Variants in ZNF778 observed in about 807,000 individuals in gnomAD.
ZNF778 encodes the protein zinc finger protein 778.
Under a neutral mutation model 23.9 loss-of-function variants are expected in ZNF778, and 37 were observed. That is an observed-to-expected ratio of 1.54 (90% CI 1.19 to 2.03). The LOEUF (loss-of-function observed/expected upper bound fraction) is 2.03, where lower values mean the gene tolerates loss of function less well. ZNF778 is among the 30% of genes most tolerant of loss of function. The pLI is 0.00. For synonymous variants in ZNF778, 483 were observed against 343.9 expected (o/e 1.40, Z -4.48); for missense variants, 1,297 against 934.4 (o/e 1.39, Z -5.06).
intron 1 of ZNF778, among the ~76,000 whole-genome samples, chr16:89,220,522 G>C (rs956645880): frequency 6.6e-6 from 1 of 152,180 alleles, no homozygotes; most frequent in Non-Finnish European, 1.5e-5. Flanking sequence ...GCTGGGTGTG[G>C]TGGCACTCGC....
In ZNF778 at chr16:89,226,835, T is replaced by C. The variant is rs1228817947; in HGVS notation, c.547T>C (p.Phe183Leu). ...GTCTAATCATTATGAAAGGGACTTTTTTATTCCATGCCAGAAAACCTTGTT... is the reference window on the plus strand; with the variant it reads ...GTCTAATCATTATGAAAGGGACTTTCTTATTCCATGCCAGAAAACCTTGTT... The part of the protein sequence containing the change: ...CVSNHYERDF[F>L]IPCQKTLFKI... The change falls in exon 7 of 7, where the codon TTT becomes CTT. Residue 183 changes from phenylalanine (F) to leucine (L), a missense_variant. Transcript: ENST00000433976. 2 of 1,613,916 alleles carry C rather than the reference T, an allele frequency of 1.2e-6. No homozygotes were observed. The highest frequency in any genetic ancestry group is 1.1e-5 in the South Asian group (1 of 91,090).
rs752327551 is a variant in ZNF778 at position 89,227,788 on chromosome 16, C to G, written c.1500C>G (p.Thr500=). Residue 500 remains threonine, a synonymous_variant, in exon 7 of 7, where the codon ACC becomes ACG. Transcript: ENST00000433976. ...SSLTEHARIH[T]GEKPYECKQC... ...TGACTGAGCACGCGAGAATCCATAC[C>G]GGAGAGAAACCCTACGAATGTAAGC... The G allele has an allele frequency of 6.2e-7, 1 of 1,612,976 alleles. No individual in the cohort carries two copies. The highest frequency in any genetic ancestry group is 8.5e-7 in the Non-Finnish European group (1 of 1,179,206).
In ZNF778 at chr16:89,230,122, A is replaced by C. The variant is rs2151638697; in HGVS notation, c.*1560A>C. The C allele has an allele frequency of 1.3e-6, 1 of 746,052 alleles. No individual in the cohort carries two copies. The highest frequency in any genetic ancestry group is 6.2e-5 in the Admixed American group (1 of 16,002). 46.2% of individuals were successfully genotyped at this position (746,052 alleles called of 1,614,324 possible). A position where few individuals can be genotyped will look rare whatever the true frequency, so the allele number is the denominator to read the frequency against. ...CACCTGTAGGGTCCCACACTGGCCAATGTTGGGGCATAACACAGCTCTACA... is the reference window on the plus strand; with the variant it reads ...CACCTGTAGGGTCCCACACTGGCCACTGTTGGGGCATAACACAGCTCTACA... On this transcript the variant is annotated 3_prime_UTR_variant, in exon 7 of 7. Coordinates refer to ENST00000433976, the MANE Select transcript of ZNF778 (RefSeq NM_001201407.2).
At position 89,221,100 on chromosome 16, in the gene ZNF778, A is replaced by T; in HGVS notation, c.-28A>T. ...GTGGCCTTGGCTTCAGGAAAGGAGC[A>T]TTCAGACGCTTCCGTCAGCCTCCCA... On this transcript the variant is annotated 5_prime_UTR_variant, in exon 2 of 7. Transcript: ENST00000433976. The T allele has an allele frequency of 6.4e-7, 1 of 1,563,662 alleles. No individual in the cohort carries two copies. Among genetic ancestry groups the T allele is most frequent in the Non-Finnish European group, 8.7e-7 (1 of 1,153,648 alleles).
Position 89,226,932 on chromosome 16 carries a change from C to T in ZNF778, c.644C>T (p.Ser215Phe), listed in dbSNP as rs2151635204. The change falls in exon 7 of 7, where the codon TCC becomes TTC. Residue 215 changes from serine (S) to phenylalanine (F), a missense_variant. Coordinates refer to ENST00000433976, the MANE Select transcript of ZNF778 (RefSeq NM_001201407.2). ...TTCAGCTCTACTCCAAATGTTGTTT[C>T]CCAGCAAGCATGCACTCGGGACAGA... is the stretch of plus-strand genomic sequence containing the variant. Reference protein sequence around the residue: ...KAFSSTPNVVSQQACTRDRSL... With the variant: ...KAFSSTPNVVFQQACTRDRSL... 6.2e-7 allele frequency: 1 copy of T among 1,614,006 alleles called. No individual in the cohort carries two copies. The highest frequency in any genetic ancestry group is 2.2e-5 in the East Asian group (1 of 44,880).
At chr16:89,221,776 G>A (rs539774329) in intron 2 of ZNF778, among the ~76,000 whole-genome samples, 3 of 88,578 alleles carry the variant, frequency 3.4e-5, no homozygotes, top group Non-Finnish European at 5.4e-5. Context: ...CCCTCGCTCT[G>A]TATGACTGTG....
chr16:89,222,335 G>A (rs1289926268), intron 3 of ZNF778, among the ~76,000 whole-genome samples, 152 bp downstream of exon 3: 1 of 152,144 alleles, frequency 6.6e-6, no homozygotes, highest in Admixed American at 6.5e-5. Context: ...CTGGTCAGGT[G>A]TTACTGTGAA....
Position 89,234,046 on chromosome 16 carries a change from T to A in ZNF778, c.*5484T>A. ...GGCCTCTGCCTCCCCTGGCTCTGAC[T>A]TCTGCCTCCTGCCCAGCTCTGCAGC... On this transcript the variant is annotated 3_prime_UTR_variant, in exon 7 of 7. Coordinates refer to ENST00000433976, the MANE Select transcript of ZNF778 (RefSeq NM_001201407.2). 1.2e-6 allele frequency: 1 copy of A among 859,060 alleles called. No individual in the cohort carries two copies. Among genetic ancestry groups the A allele is most frequent in the Non-Finnish European group, 1.7e-6 (1 of 595,438 alleles). 53.2% of individuals were successfully genotyped at this position (859,060 alleles called of 1,614,324 possible). A position where few individuals can be genotyped will look rare whatever the true frequency, so the allele number is the denominator to read the frequency against.
At chr16:89,220,311 C>G (rs1017467613) in intron 1 of ZNF778, among the ~76,000 whole-genome samples, 2 of 152,204 alleles carry the variant, frequency 1.3e-5, no homozygotes, top group South Asian at 2.1e-4. Context: ...AAGTACAGCT[C>G]TAGACCTACC....
Position 89,227,965 on chromosome 16 carries a change from G to A in ZNF778, c.1677G>A (p.Lys559=), listed in dbSNP as rs776462447. ...ATGTGAAAACTCACACAGAGGAGAA[G>A]CCCTTTATATGTACGGTATGCAGGA... ...NEHVKTHTEE[K]PFICTVCRKS... is the part of the protein sequence containing the mutation. Residue 559 remains lysine, a synonymous_variant, in exon 7 of 7, where the codon AAG becomes AAA. Transcript: ENST00000433976. 6.3e-7 allele frequency: 1 copy of A among 1,589,934 alleles called. No individual in the cohort carries two copies. Among genetic ancestry groups the A allele is most frequent in the Non-Finnish European group, 8.6e-7 (1 of 1,165,164 alleles).
Position 89,228,807 on chromosome 16 carries a change from A to G in ZNF778, c.*245A>G, listed in dbSNP as rs2031736074. 5 of 1,247,742 alleles carry G rather than the reference A, an allele frequency of 4.0e-6. No individual in the cohort carries two copies. In the South Asian group the frequency reaches 1.0e-4, roughly 25 times the overall value. The allele number at this position is 1,247,742 out of a possible 1,614,324, so 77.3% of individuals were successfully genotyped here. A position where few individuals can be genotyped will look rare whatever the true frequency, so the allele number is the denominator to read the frequency against. On this transcript the variant is annotated 3_prime_UTR_variant, in exon 7 of 7. Coordinates refer to ENST00000433976, the MANE Select transcript of ZNF778 (RefSeq NM_001201407.2). Reference sequence around the variant, plus strand: ...AGAGAGAACTCTATTGATGTGTGATATGCAGCAGCATTGTTGCTGTTCTGC... The same window carrying G: ...AGAGAGAACTCTATTGATGTGTGATGTGCAGCAGCATTGTTGCTGTTCTGC...
chr16:89,219,828 A>C (rs1358704686), intron 1 of ZNF778, among the ~76,000 whole-genome samples: 1 of 152,260 alleles, frequency 6.6e-6, no homozygotes, highest in Non-Finnish European at 1.5e-5. Context: ...AAAGATCTGC[A>C]GAGTGTTGTG....
At position 89,233,840 on chromosome 16, in the gene ZNF778, C is replaced by A. The variant is rs2032147264; in HGVS notation, c.*5278C>A. 1 of 1,290,274 alleles carries A rather than the reference C, an allele frequency of 7.8e-7. No individual in the cohort carries two copies. Among genetic ancestry groups the A allele is most frequent in the Non-Finnish European group, 1.0e-6 (1 of 989,536 alleles). 79.9% of individuals were successfully genotyped at this position (1,290,274 alleles called of 1,614,324 possible). ...ACTCAACTGTTGCAAGTACTTATTT[C>A]CGGCCACTTCCTTTTTCTAACTACC... is the stretch of plus-strand genomic sequence containing the variant. On this transcript the variant is annotated 3_prime_UTR_variant, in exon 7 of 7. Transcript: ENST00000433976.
At chr16:89,220,577 G>C (rs1038765883) in intron 1 of ZNF778, among the ~76,000 whole-genome samples, 10 of 152,330 alleles carry the variant, frequency 6.6e-5, no homozygotes, top group South Asian at 2.1e-4. Context: ...AGAATTGCTT[G>C]AACCTGGGAG....
chr16:89,226,500 C>T (rs551294334), intron 6 of ZNF778, among the ~76,000 whole-genome samples, 194 bp from the exon 7 acceptor site: 4 of 152,304 alleles, frequency 2.6e-5, no homozygotes, highest in African/African-American at 7.2e-5. Context: ...CTGCTGCGCC[C>T]GTCCTGATGG....
rs952942219 is a variant in ZNF778 at position 89,228,523 on chromosome 16, C to T, written c.2235C>T (p.Asn745=). 3 of 1,600,650 alleles carry T rather than the reference C, an allele frequency of 1.9e-6. No homozygotes were observed. Among genetic ancestry groups the T allele is most frequent in the Admixed American group, 1.8e-5 (1 of 56,724 alleles). ...CTTTTAAGAATTCCTCATGCCTTAA[C>T]CATCACACTCAAATTCACACTGATG... ...GKSFKNSSCL[N]HHTQIHTDEK... Residue 745 remains asparagine (N), a synonymous_variant, in exon 7 of 7, where the codon AAC becomes AAT. Transcript: ENST00000433976.
Position 89,228,180 on chromosome 16 carries a change from A to G in ZNF778, c.1892A>G (p.His631Arg). ...GGAAAGGCCTTCACCACATCCTCAC[A>G]CCTTATCGTGCACATAAGAACCCAC... ...VCGKAFTTSSHLIVHIRTHTG... is the reference protein window; with the variant it reads ...VCGKAFTTSSRLIVHIRTHTG... The change falls in exon 7 of 7, where the codon CAC (histidine) becomes CGC (arginine). Residue 631 changes from histidine to arginine, a missense_variant. Transcript: ENST00000433976. 1 of 1,613,178 alleles carries G rather than the reference A, an allele frequency of 6.2e-7. No individual in the cohort carries two copies. The highest frequency in any genetic ancestry group is 8.5e-7 in the Non-Finnish European group (1 of 1,179,520).
chr16:89,236,369 TAAAAAG>T lies in ZNF778; in HGVS notation c.*7811_*7816del. 1 of 152,072 alleles carries T rather than the reference TAAAAAG, an allele frequency of 6.6e-6. No individual in the cohort carries two copies. Among genetic ancestry groups the T allele is most frequent in the African/African-American group, 2.4e-5 (1 of 41,466 alleles). 9.4% of individuals were successfully genotyped at this position (152,072 alleles called of 1,614,324 possible). ...TAGGAGCATTTTTCAAGTTCTGAAA[TAAAAAG>T]AAATGCCAACCCAGATTGCTATATC... On this transcript the variant is annotated 3_prime_UTR_variant, in exon 7 of 7. Coordinates refer to ENST00000433976, the MANE Select transcript of ZNF778 (RefSeq NM_001201407.2).
chr16:89,228,866 T>C lies in ZNF778; in HGVS notation c.*304T>C, dbSNP rs533943596. 1 of 1,074,942 alleles carries C rather than the reference T, an allele frequency of 9.3e-7. No individual in the cohort carries two copies. Among genetic ancestry groups the C allele is most frequent in the African/African-American group, 1.7e-5 (1 of 60,320 alleles). 66.6% of individuals were successfully genotyped at this position (1,074,942 alleles called of 1,614,324 possible). Reference sequence around the variant, plus strand: ...TTGATGATCCCTTGTGATCTCACAATGAAGAAAAACCTTAGGAGGGTGAGA... The same window carrying C: ...TTGATGATCCCTTGTGATCTCACAACGAAGAAAAACCTTAGGAGGGTGAGA... On this transcript the variant is annotated 3_prime_UTR_variant, in exon 7 of 7. Coordinates refer to ENST00000433976, the MANE Select transcript of ZNF778 (RefSeq NM_001201407.2).
Sources: allele counts gnomAD v4.1 joint callset (sites outside exome capture counted in the v4.1 genomes callset), GRCh38; gene constraint gnomAD v4.1.1; transcripts MANE v1.5; gene names NCBI Gene and HGNC (gene_info 2026-07-23, HGNC 2026-07-21).